Variants in ABCC4 observed in about 807,000 individuals in gnomAD.
ABCC4 encodes ATP-binding cassette sub-family C member 4.
In ABCC4, 102 loss-of-function variants were observed where a neutral mutation model predicts 168.5. The ratio of observed to expected loss-of-function variants is 0.61; its 90% CI spans 0.52 to 0.71. The LOEUF (loss-of-function observed/expected upper bound fraction) is 0.71, where lower values mean the gene tolerates loss of function less well. Ranked by LOEUF, ABCC4 falls within the 30% of genes least tolerant of loss-of-function variation. The probability of loss-of-function intolerance (pLI) is 0.00; values close to 1 mark genes in which losing one functional copy is unlikely to be tolerated. For missense variants in ABCC4, 1,402 were observed against 1,605.8 expected (o/e 0.87, Z 2.17); for synonymous variants, 617 against 590.7 (o/e 1.04, Z -0.65).
chr13:95,080,382 T>G (rs937853405), intron 21 of ABCC4, among the ~76,000 whole-genome samples: 5 of 71,226 alleles, frequency 7.0e-5, no homozygotes, highest in African/African-American at 1.9e-4. Context: ...TGCAGATTTG[T>G]TTTTGTTTTT....
At chr13:95,264,396 A>G (rs1448951196) in intron 1 of ABCC4, among the ~76,000 whole-genome samples, 2 of 152,222 alleles carry the variant, frequency 1.3e-5, no homozygotes, top group Non-Finnish European at 2.9e-5. Context: ...CTTACCTAAA[A>G]GCATAAAGTA....
At chr13:95,293,454 C>T (rs767083279) in intron 1 of ABCC4, among the ~76,000 whole-genome samples, 1 of 151,968 alleles carries the variant, frequency 6.6e-6, no homozygotes, top group South Asian at 2.1e-4. Flanking sequence ...CCTGCAGCAG[C>T]GACTGCTGGA....
chr13:95,210,649 G>A, intron 5 of ABCC4, 43 bp downstream of exon 5: 1 of 1,467,118 alleles, frequency 6.8e-7, no homozygotes, highest in Non-Finnish European at 9.6e-7. Context: ...GGGAAAGAGG[G>A]GTGTTTAATG....
At chr13:95,148,192 G>T (rs987985921) in intron 19 of ABCC4, among the ~76,000 whole-genome samples, 1 of 152,054 alleles carries the variant, frequency 6.6e-6, no homozygotes, top group Non-Finnish European at 1.5e-5. Flanking sequence ...CATATCAAAT[G>T]CTTTTCATAT....
At chr13:95,222,438 G>A (rs1025871204) in intron 4 of ABCC4, among the ~76,000 whole-genome samples, 1 of 152,186 alleles carries the variant, frequency 6.6e-6, no homozygotes, top group Non-Finnish European at 1.5e-5. Flanking sequence ...GCAAAGGGGT[G>A]GAGGCCAGAG....
At chr13:95,201,550 TG>T (rs1490042397) in intron 8 of ABCC4, among the ~76,000 whole-genome samples, 42 of 152,358 alleles carry the variant, frequency 2.8e-4, no homozygotes, top group African/African-American at 8.7e-4. Flanking sequence ...AATGAGGCAC[TG>T]TGTCTGCCTT....
At chr13:95,269,057 C>T (rs1360813814) in intron 1 of ABCC4, among the ~76,000 whole-genome samples, 3 of 152,162 alleles carry the variant, frequency 2.0e-5, no homozygotes, top group Admixed American at 1.3e-4. Context: ...GACAAGAAAG[C>T]TTTGTATTTG....
At chr13:95,151,078 G>A (rs1198460561) in intron 19 of ABCC4, among the ~76,000 whole-genome samples, 3 of 152,214 alleles carry the variant, frequency 2.0e-5, no homozygotes, top group African/African-American at 7.2e-5. Flanking sequence ...ATGCTCATGT[G>A]TGTTGTATCT....
chr13:95,066,967 G>A (rs536434698), intron 25 of ABCC4, among the ~76,000 whole-genome samples: 19 of 152,222 alleles, frequency 1.2e-4, no homozygotes, highest in African/African-American at 4.1e-4. Flanking sequence ...AGCCAAGACA[G>A]TACCTGTATT....
chr13:95,051,180 T>A (rs2032814350), intron 27 of ABCC4, among the ~76,000 whole-genome samples: 1 of 152,112 alleles, frequency 6.6e-6, no homozygotes, highest in Non-Finnish European at 1.5e-5. Flanking sequence ...AAAAAGAAAA[T>A]CCCCACAGTT....
rs71113905 is a variant in ABCC4 at position 95,278,806 on chromosome 13, GAAAAAAAAAAAAAA to G, written c.74+22421_74+22434del. On this transcript the variant is annotated intron_variant, in intron 1 of 30. Coordinates refer to ENST00000645237, the MANE Select transcript of ABCC4 (RefSeq NM_005845.5). ...AGAGACAGAGCAAGACCCTGTCTCG[GAAAAAAAAAAAAAA>G]AAAAAAAAAAAAACACAGACTGACA... Among the ~76,000 whole-genome samples, 12 of 34,344 alleles carry G rather than the reference GAAAAAAAAAAAAAA, an allele frequency of 3.5e-4. 1 individual carries two copies. The highest frequency in any genetic ancestry group is 0.02 in the Middle Eastern group (1 of 50). 22.5% of individuals were successfully genotyped at this position (34,344 alleles called of 152,430 possible).
rs1210254353 is a variant in ABCC4, at chr13:95,234,935, T to C, written c.307-101A>G. ...CAGATATTGCTTGCTCTGTCACCCA[T>C]GCTGGAGTATAGTGGCACAATCCCA... On this transcript the variant is annotated intron_variant, in intron 3 of 30. Coordinates refer to ENST00000645237, the MANE Select transcript of ABCC4 (RefSeq NM_005845.5). The C allele has an allele frequency of 8.2e-6, 7 of 856,240 alleles. No individual in the cohort carries two copies. In the South Asian group the frequency reaches 1.3e-4, roughly 16 times the overall value. 53.0% of individuals were successfully genotyped at this position (856,240 alleles called of 1,614,324 possible).
chr13:95,218,572 C>T (rs1262933195), intron 4 of ABCC4, among the ~76,000 whole-genome samples: 1 of 152,116 alleles, frequency 6.6e-6, no homozygotes, highest in Non-Finnish European at 1.5e-5. Context: ...TCTCCGTAGG[C>T]CAGGTAGGGT....
chr13:95,291,014 G>GAAAAAAA (rs2041391493), intron 1 of ABCC4, among the ~76,000 whole-genome samples: 1 of 31,256 alleles, frequency 3.2e-5, no homozygotes, highest in African/African-American at 9.5e-5. Context: ...AAAAAAAGAG[G>GAAAAAAA]AAACCATGCC....
At position 95,057,386 on chromosome 13, in the gene ABCC4, C is replaced by T. The variant is rs113983720; in HGVS notation, c.3367-4202G>A. ...TCCCGAGCAGCTGGGACTACAGATG[C>T]GCACCACCACGTCCGGCTAATTTTT... On this transcript the variant is annotated intron_variant, in intron 26 of 30. Coordinates refer to ENST00000645237, the MANE Select transcript of ABCC4 (RefSeq NM_005845.5). 7.2e-5 allele frequency among the ~76,000 whole-genome samples: 11 copies of T among 152,150 alleles called. 1 individual carries two copies. Among genetic ancestry groups the T allele is most frequent in the African/African-American group, 2.4e-4 (10 of 41,418 alleles).
intron 19 of ABCC4, among the ~76,000 whole-genome samples, chr13:95,151,490 A>AAAAAG (rs1555321541): frequency 6.7e-6 from 1 of 148,700 alleles, no homozygotes. Context: ...AAAAAAAAAA[A>AAAAAG]AAGAAGAAGA....
In ABCC4 at chr13:95,127,348, C is replaced by T. The variant is rs572782498; in HGVS notation, c.2456-11347G>A. 2.6e-5 allele frequency among the ~76,000 whole-genome samples: 4 copies of T among 152,146 alleles called. No individual in the cohort carries two copies. In the East Asian group the frequency reaches 5.8e-4, roughly 22 times the overall value. On this transcript the variant is annotated intron_variant, in intron 19 of 30. Transcript: ENST00000645237. ...TTGCCCAGGCTGGAGTGCAGTAGCC[C>T]GATCTTGGCTCACTGCAACCTCCGC...
rs978765863 is a variant in ABCC4, at chr13:95,224,596, G to A, written c.531+10014C>T. ...TACCAAAAATACAAAATTTAGCCAGGTGTGGTGTCACATGCCTATAATCCC... is the reference window on the plus strand; with the variant it reads ...TACCAAAAATACAAAATTTAGCCAGATGTGGTGTCACATGCCTATAATCCC... On this transcript the variant is annotated intron_variant, in intron 4 of 30. Transcript: ENST00000645237. Among the ~76,000 whole-genome samples the A allele has an allele frequency of 3.3e-5, 5 of 152,212 alleles. No individual in the cohort carries two copies. The South Asian group carries it at 8.3e-4, about 25-fold the overall frequency.
At chr13:95,038,563 ATGG>A (rs1189240734) in intron 29 of ABCC4, among the ~76,000 whole-genome samples, 7 of 151,834 alleles carry the variant, frequency 4.6e-5, no homozygotes, top group Non-Finnish European at 7.4e-5. Context: ...ACACGTAGAA[ATGG>A]TGGTGGAGGT....
Sources: gnomAD v4.1 joint callset for allele counts (sites outside exome capture counted in the v4.1 genomes callset) on GRCh38, gnomAD v4.1.1 for gene constraint, MANE v1.5 for transcripts, NCBI Gene and HGNC (gene_info 2026-07-23, HGNC 2026-07-21) for gene names.